Variants in ANKIB1 observed in about 807,000 individuals in gnomAD.
The protein encoded by ANKIB1 is ankyrin repeat and IBR domain containing 1, also known as ankyrin repeat and IBR domain-containing protein 1.
ANKIB1 carries 43 observed loss-of-function variants against 122.1 expected under a neutral mutation model. That is an observed-to-expected ratio of 0.35 (90% CI 0.28 to 0.45). ANKIB1 has a LOEUF of 0.45. Ranked by LOEUF, ANKIB1 falls within the 20% of genes least tolerant of loss-of-function variation. The pLI, the probability that ANKIB1 is intolerant of heterozygous loss-of-function variation, is 1.00. For synonymous variants in ANKIB1, 390 were observed against 442.0 expected, an observed-to-expected ratio of 0.88 and a Z score of 1.48; for missense variants, 992 against 1,329.5, an observed-to-expected ratio of 0.75 and a Z score of 3.95.
At chr7:92,292,064 A>G (rs947345943) in intron 1 of ANKIB1, among the ~76,000 whole-genome samples, 3 of 152,196 alleles carry the variant, frequency 2.0e-5, no homozygotes, top group African/African-American at 4.8e-5. Context: ...TTGGAGTTCC[A>G]GAAATATTAC....
intron 2 of ANKIB1, among the ~76,000 whole-genome samples, chr7:92,301,049 T>C (rs944921852): frequency 1.3e-5 from 2 of 152,196 alleles, no homozygotes; most frequent in Non-Finnish European, 2.9e-5. Context: ...GACTGAATAA[T>C]ATTCCATTGT....
rs1421578723 is a variant in ANKIB1, at chr7:92,398,969, TA to T, written c.*23del. ...GTGTGAACTGCACACATCTGGGCTC[TA>T]AATGAATTACAGGTACAGATGGTAT... On this transcript the variant is annotated 3_prime_UTR_variant, in exon 20 of 20. Coordinates refer to ENST00000265742, the MANE Select transcript of ANKIB1 (RefSeq NM_019004.2). 2.6e-6 allele frequency: 4 copies of T among 1,523,154 alleles called. No individual in the cohort carries two copies. The highest frequency in any genetic ancestry group is 2.7e-5 in the South Asian group (2 of 74,810). The allele number at this position is 1,523,154 out of a possible 1,614,324, so 94.4% of individuals were successfully genotyped here.
intron 4 of ANKIB1, among the ~76,000 whole-genome samples, chr7:92,325,767 G>C (rs866987997): frequency 7.2e-5 from 11 of 152,116 alleles, no homozygotes; most frequent in Admixed American, 2.0e-4. Context: ...TTTTTGAAGA[G>C]AACTATTTTA....
At chr7:92,378,967 A>G (rs1234138925) in intron 11 of ANKIB1, among the ~76,000 whole-genome samples, 38 of 152,248 alleles carry the variant, frequency 2.5e-4, no homozygotes, top group Admixed American at 2.5e-3. Flanking sequence ...AACAAGAAAT[A>G]TGCAAGACTT....
chr7:92,387,117 T>C (rs1804671648), intron 12 of ANKIB1, among the ~76,000 whole-genome samples: 1 of 152,086 alleles, frequency 6.6e-6, no homozygotes, highest in Non-Finnish European at 1.5e-5. Context: ...TCTCACTATG[T>C]CCTTAGGTGG....
At chr7:92,355,649 A>C (rs1211774513) in intron 9 of ANKIB1, among the ~76,000 whole-genome samples, 1 of 152,030 alleles carries the variant, frequency 6.6e-6, no homozygotes, top group Non-Finnish European at 1.5e-5. Context: ...GGAGATCGAG[A>C]CCATCCTGGG....
Position 92,398,996 on chromosome 7 carries a change from G to T in ANKIB1, c.*47G>T. 8.7e-6 allele frequency: 13 copies of T among 1,496,402 alleles called. No homozygotes were observed. The highest frequency in any genetic ancestry group is 1.2e-5 in the Non-Finnish European group (13 of 1,122,810). 92.7% of individuals were successfully genotyped at this position (1,496,402 alleles called of 1,614,324 possible). ...AATGAATTACAGGTACAGATGGTAT[G>T]CTAGGTGGAGTATGCTTGATAGAGA... On this transcript the variant is annotated 3_prime_UTR_variant, in exon 20 of 20. Coordinates refer to ENST00000265742, the MANE Select transcript of ANKIB1 (RefSeq NM_019004.2).
intron 11 of ANKIB1, 43 bp downstream of exon 11, chr7:92,371,650 C>T (rs1804256781): frequency 1.3e-6 from 2 of 1,561,750 alleles, no homozygotes; most frequent in Non-Finnish European, 1.7e-6. Flanking sequence ...CATTTGGAAT[C>T]TTAATTTAGT....
intron 1 of ANKIB1, among the ~76,000 whole-genome samples, chr7:92,283,086 T>C (rs1474610252): frequency 1.3e-5 from 2 of 152,110 alleles, no homozygotes; most frequent in African/African-American, 4.8e-5. Context: ...CTAAAAGATA[T>C]CTAAGAGGAG....
chr7:92,270,487 A>G (rs1430595709), intron 1 of ANKIB1, among the ~76,000 whole-genome samples: 2 of 152,216 alleles, frequency 1.3e-5, no homozygotes, highest in Admixed American at 6.5e-5. Context: ...GATGATTTTC[A>G]GTAATTCAGG....
chr7:92,327,358 A>C (rs1336968966), intron 4 of ANKIB1, among the ~76,000 whole-genome samples: 1 of 152,184 alleles, frequency 6.6e-6, no homozygotes, highest in Non-Finnish European at 1.5e-5. Flanking sequence ...TTAAATGATA[A>C]TCATGTACAG....
At chr7:92,365,788 CTT>C (rs59131137) in intron 10 of ANKIB1, among the ~76,000 whole-genome samples, 18 of 58,316 alleles carry the variant, frequency 3.1e-4, no homozygotes, top group Admixed American at 2.3e-3. Flanking sequence ...ATTAAATAAT[CTT>C]TTTTTTTTTT....
At chr7:92,267,757 A>T (rs893849701) in intron 1 of ANKIB1, among the ~76,000 whole-genome samples, 1 of 152,188 alleles carries the variant, frequency 6.6e-6, no homozygotes, top group African/African-American at 2.4e-5. Context: ...TGAGAAGACC[A>T]TCGTTTAAGC....
At chr7:92,381,887 A>C (rs1006466845) in intron 11 of ANKIB1, among the ~76,000 whole-genome samples, 3 of 152,198 alleles carry the variant, frequency 2.0e-5, no homozygotes, top group Non-Finnish European at 4.4e-5. Flanking sequence ...ATTCACACAT[A>C]ACAATATTAA....
At chr7:92,248,759 T>C (rs2131867882) in intron 1 of ANKIB1, among the ~76,000 whole-genome samples, 1 of 152,256 alleles carries the variant, frequency 6.6e-6, no homozygotes, top group South Asian at 2.1e-4. Flanking sequence ...AATGTTTAGG[T>C]TTTTAATTTA....
intron 1 of ANKIB1, among the ~76,000 whole-genome samples, chr7:92,251,803 A>G (rs1801335729): frequency 6.6e-6 from 1 of 152,212 alleles, no homozygotes; most frequent in Non-Finnish European, 1.5e-5. Context: ...ATCAACGTGG[A>G]TACAACACTG....
At chr7:92,369,948 A>G (rs1021203772) in intron 10 of ANKIB1, among the ~76,000 whole-genome samples, 1 of 152,246 alleles carries the variant, frequency 6.6e-6, no homozygotes, top group African/African-American at 2.4e-5. Flanking sequence ...TTTAAAAACC[A>G]TGGCATTCCT....
chr7:92,247,008 G>A (rs1801105752), intron 1 of ANKIB1, among the ~76,000 whole-genome samples: 1 of 151,890 alleles, frequency 6.6e-6, no homozygotes, highest in Non-Finnish European at 1.5e-5. Context: ...AAAGAATGGA[G>A]CGCTCCCCTG....
chr7:92,285,958 A>C (rs1301675115), intron 1 of ANKIB1, among the ~76,000 whole-genome samples: 1 of 152,196 alleles, frequency 6.6e-6, no homozygotes, highest in East Asian at 1.9e-4. Context: ...TGCAATTCCT[A>C]AGTTTGCCTT....
Sources: gnomAD v4.1 joint callset for allele counts (sites outside exome capture counted in the v4.1 genomes callset) on GRCh38, gnomAD v4.1.1 for gene constraint, MANE v1.5 for transcripts, NCBI Gene and HGNC (gene_info 2026-07-23, HGNC 2026-07-21) for gene names.